The following DCC variants were observed in gnomAD, a reference collection of about 807,000 sequenced individuals.
The protein encoded by DCC is DCC netrin 1 receptor, also known as netrin receptor DCC.
In DCC, 58 loss-of-function variants were observed where a neutral mutation model predicts 172.5. The ratio of observed to expected loss-of-function variants is 0.34; its 90% CI spans 0.27 to 0.42. The LOEUF (loss-of-function observed/expected upper bound fraction) is 0.42. Ranked by LOEUF, DCC falls within the 10% of genes least tolerant of loss-of-function variation. The pLI is 1.00. For missense variants in DCC, 1,740 were observed against 1,791.0 expected (o/e 0.97, Z 0.51); for synonymous variants, 709 against 644.5 (o/e 1.10, Z -1.52).
chr18:52,367,299 C>G, intron 1 of DCC, among the ~76,000 whole-genome samples: 1 of 152,232 alleles, frequency 6.6e-6, no homozygotes, highest in East Asian at 1.9e-4. Context: ...CCACACCTCC[C>G]TGCAAGCTGA....
At chr18:52,684,193 T>C (rs965864266) in intron 1 of DCC, among the ~76,000 whole-genome samples, 5 of 152,138 alleles carry the variant, frequency 3.3e-5, no homozygotes, top group African/African-American at 1.2e-4. Context: ...GTGGTGAGGT[T>C]ATATTCTGTG....
In DCC at chr18:52,694,159, C is replaced by A. The variant is rs370964182; in HGVS notation, c.92-57895C>A. 5.9e-5 allele frequency among the ~76,000 whole-genome samples: 9 copies of A among 152,100 alleles called. No homozygotes were observed. The East Asian group carries it at 7.8e-4, about 13-fold the overall frequency. ...TCTTCCCAAAAACCTGTATCTCCTG[C>A]CTGATATGAGAAAAAGGTGAACAAA... On this transcript the variant is annotated intron_variant, in intron 1 of 28. Coordinates refer to ENST00000442544, the MANE Select transcript of DCC (RefSeq NM_005215.4).
In DCC at chr18:53,425,357, CTTTTTTT is replaced by C. The variant is rs747096336; in HGVS notation, c.3163+9215_3163+9221del. On this transcript the variant is annotated intron_variant, in intron 21 of 28. Coordinates refer to ENST00000442544, the MANE Select transcript of DCC (RefSeq NM_005215.4). ...CCACAATTTTCCCCGTTTCTCCTCTCTTTTTTTTTTTTTTTTTTTTGAGACAGAGTCT... is the reference window on the plus strand; with the variant it reads ...CCACAATTTTCCCCGTTTCTCCTCTCTTTTTTTTTTTTTGAGACAGAGTCT... Among the ~76,000 whole-genome samples the C allele has an allele frequency of 3.6e-3, 371 of 101,650 alleles. 2 individuals carry two copies. Among genetic ancestry groups the C allele is most frequent in the Middle Eastern group, 0.014 (2 of 148 alleles). The allele number at this position is 101,650 out of a possible 152,430, so 66.7% of individuals were successfully genotyped here.
At chr18:52,463,943 A>T (rs1475363153) in intron 1 of DCC, among the ~76,000 whole-genome samples, 1 of 152,238 alleles carries the variant, frequency 6.6e-6, no homozygotes, top group African/African-American at 2.4e-5. Context: ...ACAATCCTTC[A>T]GTATTGTAGT....
At chr18:53,351,476 A>ATACACAGTG in intron 15 of DCC, among the ~76,000 whole-genome samples, 1 of 67,504 alleles carries the variant, frequency 1.5e-5, no homozygotes, top group Non-Finnish European at 3.0e-5. Flanking sequence ...GTATATATAT[A>ATACACAGTG]TATATATATA....
At chr18:53,191,800 T>C (rs1386193366) in intron 9 of DCC, among the ~76,000 whole-genome samples, 7 of 152,148 alleles carry the variant, frequency 4.6e-5, no homozygotes, top group African/African-American at 1.7e-4. Flanking sequence ...CATGAGTCAG[T>C]CATTTTTTTT....
intron 1 of DCC, among the ~76,000 whole-genome samples, chr18:52,465,107 G>A (rs1392538174): frequency 5.3e-5 from 8 of 152,094 alleles, no homozygotes; most frequent in Non-Finnish European, 2.9e-5. Flanking sequence ...ATTAACTAGG[G>A]AAGTGATGGG....
intron 5 of DCC, among the ~76,000 whole-genome samples, chr18:52,986,361 G>T (rs891485315): frequency 6.6e-6 from 1 of 152,100 alleles, no homozygotes; most frequent in African/African-American, 2.4e-5. Flanking sequence ...GCAGCGAATG[G>T]CCCAGATATT....
intron 1 of DCC, among the ~76,000 whole-genome samples, chr18:52,445,337 T>TGCC (rs1988089485): frequency 2.0e-5 from 3 of 152,184 alleles, no homozygotes; most frequent in Admixed American, 6.5e-5. Context: ...GCAGGCGTAT[T>TGCC]ACCAATGATA....
At position 52,791,472 on chromosome 18, in the gene DCC, G is replaced by GTT. The variant is rs374755724; in HGVS notation, c.412+39107_412+39108dup. ...TTCCCCCTGCTGTTTTTTGTGTTTTGTTTTTTTTTTGTTTTTTTCCTAAAT... is the reference window on the plus strand; with the variant it reads ...TTCCCCCTGCTGTTTTTTGTGTTTTGTTTTTTTTTTTTGTTTTTTTCCTAAAT... On this transcript the variant is annotated intron_variant, in intron 2 of 28. Coordinates refer to ENST00000442544, the MANE Select transcript of DCC (RefSeq NM_005215.4). 1.7e-3 allele frequency among the ~76,000 whole-genome samples: 242 copies of GTT among 146,490 alleles called. 1 individual carries two copies. The highest frequency in any genetic ancestry group is 5.2e-3 in the African/African-American group (208 of 39,932).
chr18:52,867,375 A>G (rs1168758428), intron 2 of DCC, among the ~76,000 whole-genome samples: 2 of 152,184 alleles, frequency 1.3e-5, no homozygotes, highest in African/African-American at 4.8e-5. Context: ...TTTTGGTATC[A>G]GGATGATGCT....
At chr18:52,823,651 T>G (rs2038451579) in intron 2 of DCC, among the ~76,000 whole-genome samples, 1 of 152,164 alleles carries the variant, frequency 6.6e-6, no homozygotes, top group African/African-American at 2.4e-5. Context: ...AAAATGAGCT[T>G]TTATAAATTG....
intron 2 of DCC, among the ~76,000 whole-genome samples, chr18:52,789,967 C>T (rs2037729114): frequency 6.6e-6 from 1 of 152,024 alleles, no homozygotes; most frequent in South Asian, 2.1e-4. Context: ...AAATTTTGAC[C>T]CTCCCTTAAC....
At chr18:52,598,269 G>A (rs1332286653) in intron 1 of DCC, among the ~76,000 whole-genome samples, 4 of 152,182 alleles carry the variant, frequency 2.6e-5, no homozygotes, top group African/African-American at 7.2e-5. Context: ...GAATAAATAA[G>A]AGAGACCCTT....
In DCC at chr18:52,637,129, C is replaced by T. The variant is rs558513906; in HGVS notation, c.92-114925C>T. Among the ~76,000 whole-genome samples the T allele has an allele frequency of 9.2e-5, 14 of 152,304 alleles. No individual in the cohort carries two copies. In the Middle Eastern group the frequency reaches 0.01, roughly 111 times the overall value. On this transcript the variant is annotated intron_variant, in intron 1 of 28. Coordinates refer to ENST00000442544, the MANE Select transcript of DCC (RefSeq NM_005215.4). ...CCATAGGAAAAGGGGGAAAGTAATA[C>T]ATCAAAGGAACACCCCATGGGACAA...
chr18:53,079,006 C>T (rs1389690481), intron 7 of DCC, among the ~76,000 whole-genome samples: 1 of 152,102 alleles, frequency 6.6e-6, no homozygotes, highest in Non-Finnish European at 1.5e-5. Flanking sequence ...TTCTGGCAGA[C>T]ATCGCCTGAG....
chr18:53,356,887 T>A (rs968971914), intron 15 of DCC, among the ~76,000 whole-genome samples: 1 of 152,196 alleles, frequency 6.6e-6, no homozygotes, highest in Non-Finnish European at 1.5e-5. Flanking sequence ...AGTTGCTCTT[T>A]TCTCTTTTGC....
intron 7 of DCC, among the ~76,000 whole-genome samples, chr18:53,110,213 C>T (rs2043310179): frequency 6.6e-6 from 1 of 151,528 alleles, no homozygotes; most frequent in South Asian, 2.1e-4. Flanking sequence ...CTTGTTGCTC[C>T]TCAGTTTTTC....
chr18:53,170,723 A>C (rs960202048), intron 8 of DCC, among the ~76,000 whole-genome samples: 1 of 152,308 alleles, frequency 6.6e-6, no homozygotes, highest in Admixed American at 6.5e-5. Flanking sequence ...ATTCTTTCAG[A>C]CATTGTGATA....
Sources: allele counts gnomAD v4.1 joint callset (sites outside exome capture counted in the v4.1 genomes callset), GRCh38; gene constraint gnomAD v4.1.1; transcripts MANE v1.5; gene names NCBI Gene and HGNC (gene_info 2026-07-23, HGNC 2026-07-21).